The following CDH12 variants were observed in gnomAD, a reference collection of about 807,000 sequenced individuals.
CDH12 encodes the protein cadherin-12.
In CDH12, 41 loss-of-function variants were observed where a neutral mutation model predicts 74.1. The ratio of observed to expected loss-of-function variants is 0.55; its 90% CI spans 0.43 to 0.72. The LOEUF is 0.72. Among genes scored for constraint, CDH12 ranks in the 30% least tolerant of loss-of-function variants. The pLI is 0.00. For synonymous variants in CDH12, 399 were observed against 355.0 expected (o/e 1.12, Z -1.39); for missense variants, 945 against 977.2 (o/e 0.97, Z 0.44).
chr5:22,515,137 G>T (rs1736752373), intron 1 of CDH12, among the ~76,000 whole-genome samples: 1 of 151,922 alleles, frequency 6.6e-6, no homozygotes, highest in South Asian at 2.1e-4. Context: ...TTTAAGAAAA[G>T]GATATAATAC....
intron 4 of CDH12, among the ~76,000 whole-genome samples, chr5:22,199,692 G>C (rs1000565414): frequency 6.6e-6 from 1 of 151,952 alleles, no homozygotes; most frequent in African/African-American, 2.4e-5. Context: ...TAGAATTGTG[G>C]GATATTAAAC....
intron 1 of CDH12, among the ~76,000 whole-genome samples, chr5:22,851,717 A>C (rs1001681175): frequency 1.3e-5 from 2 of 152,202 alleles, no homozygotes; most frequent in African/African-American, 4.8e-5. Context: ...TGGTTTGGGC[A>C]AAGTAACCAT....
At chr5:22,259,102 G>T (rs1312090749) in intron 3 of CDH12, among the ~76,000 whole-genome samples, 2 of 152,132 alleles carry the variant, frequency 1.3e-5, no homozygotes, top group Non-Finnish European at 2.9e-5. Flanking sequence ...AAATTGCAGT[G>T]AGTACTGGAC....
At chr5:22,515,895 T>C (rs1736789285) in intron 1 of CDH12, among the ~76,000 whole-genome samples, 1 of 152,132 alleles carries the variant, frequency 6.6e-6, no homozygotes, top group South Asian at 2.1e-4. Context: ...GACAGGCTTG[T>C]AAATTTCTAT....
At chr5:22,260,689 T>C (rs554921133) in intron 3 of CDH12, among the ~76,000 whole-genome samples, 3 of 152,074 alleles carry the variant, frequency 2.0e-5, no homozygotes, top group South Asian at 2.1e-4. Context: ...TAGGTACCAA[T>C]TGTCACCTTC....
At chr5:21,986,044 C>G (rs1757502821) in intron 5 of CDH12, among the ~76,000 whole-genome samples, 1 of 152,028 alleles carries the variant, frequency 6.6e-6, no homozygotes, top group African/African-American at 2.4e-5. Flanking sequence ...GTTAGGAATT[C>G]CCTCTAACAG....
chr5:22,790,349 G>A (rs1041999016), intron 1 of CDH12, among the ~76,000 whole-genome samples: 1 of 152,132 alleles, frequency 6.6e-6, no homozygotes, highest in African/African-American at 2.4e-5. Context: ...CTTAACATTT[G>A]AGAAGAAAGC....
rs541806648 is a variant in CDH12, at chr5:21,773,538, C to T, written c.1394-8439G>A. Among the ~76,000 whole-genome samples the T allele has an allele frequency of 3.1e-4, 47 of 152,268 alleles. No homozygotes were observed. In the South Asian group the frequency reaches 3.9e-3, roughly 13 times the overall value. On this transcript the variant is annotated intron_variant, in intron 11 of 14. Coordinates refer to ENST00000382254, the MANE Select transcript of CDH12 (RefSeq NM_004061.5). Reference sequence around the variant, plus strand: ...TCTTGGACTTACACCAGCGATTTCCCTGGGGCTCTTGGGCCTTCAGCCACA... The same window carrying T: ...TCTTGGACTTACACCAGCGATTTCCTTGGGGCTCTTGGGCCTTCAGCCACA...
chr5:22,523,014 T>C (rs1193279337), intron 1 of CDH12, among the ~76,000 whole-genome samples: 1 of 152,190 alleles, frequency 6.6e-6, no homozygotes, highest in Non-Finnish European at 1.5e-5. Context: ...CCATCATTAT[T>C]CTGCTGAAAT....
At chr5:22,494,649 A>G (rs1747027662) in intron 2 of CDH12, among the ~76,000 whole-genome samples, 1 of 152,230 alleles carries the variant, frequency 6.6e-6, no homozygotes, top group Non-Finnish European at 1.5e-5. Context: ...ATTAGATGGC[A>G]TTTTGAATAA....
intron 3 of CDH12, among the ~76,000 whole-genome samples, chr5:22,344,413 A>G (rs1740023133): frequency 6.6e-6 from 1 of 152,228 alleles, no homozygotes; most frequent in Admixed American, 6.5e-5. Context: ...ATAAAATAAT[A>G]ACAATATGAA....
At chr5:22,223,248 T>C (rs1189679599) in intron 3 of CDH12, among the ~76,000 whole-genome samples, 2 of 152,044 alleles carry the variant, frequency 1.3e-5, no homozygotes, top group Non-Finnish European at 2.9e-5. Context: ...GTAGCAAGCA[T>C]GAATGACTCA....
At chr5:22,691,920 T>A (rs760046394) in intron 1 of CDH12, among the ~76,000 whole-genome samples, 3 of 152,116 alleles carry the variant, frequency 2.0e-5, no homozygotes, top group Non-Finnish European at 4.4e-5. Context: ...AAATACATGT[T>A]TTTCTTTTCC....
At chr5:22,347,938 A>G (rs922508419) in intron 3 of CDH12, among the ~76,000 whole-genome samples, 12 of 152,152 alleles carry the variant, frequency 7.9e-5, no homozygotes, top group African/African-American at 2.9e-4. Flanking sequence ...GCTATTAACT[A>G]TATTAACAAG....
intron 3 of CDH12, among the ~76,000 whole-genome samples, chr5:22,316,775 A>C (rs1738650185): frequency 6.6e-6 from 1 of 152,132 alleles, no homozygotes; most frequent in Non-Finnish European, 1.5e-5. Context: ...GTCTATAATG[A>C]GGTTATTTAA....
At chr5:22,585,483 C>T (rs922196390) in intron 1 of CDH12, among the ~76,000 whole-genome samples, 7 of 152,190 alleles carry the variant, frequency 4.6e-5, no homozygotes, top group Non-Finnish European at 8.8e-5. Flanking sequence ...GTAAACACTG[C>T]CTGTGCCTTA....
At chr5:22,521,740 G>T (rs1262119775) in intron 1 of CDH12, among the ~76,000 whole-genome samples, 2 of 152,148 alleles carry the variant, frequency 1.3e-5, no homozygotes, top group African/African-American at 4.8e-5. Flanking sequence ...AGCCATATTT[G>T]CCAGTACTTA....
At chr5:22,064,266 T>C (rs530225761) in intron 5 of CDH12, among the ~76,000 whole-genome samples, 26 of 152,302 alleles carry the variant, frequency 1.7e-4, no homozygotes, top group Non-Finnish European at 3.5e-4. Context: ...GCATGGATTG[T>C]GGTATCTCTG....
intron 1 of CDH12, among the ~76,000 whole-genome samples, chr5:22,805,171 CATT>C (rs1327639047): frequency 6.6e-6 from 1 of 151,906 alleles, no homozygotes; most frequent in Admixed American, 6.6e-5. Flanking sequence ...TGTTTTATAT[CATT>C]ATGTTGGGAG....
Sources: allele counts gnomAD v4.1 joint callset (sites outside exome capture counted in the v4.1 genomes callset), GRCh38; gene constraint gnomAD v4.1.1; transcripts MANE v1.5; gene names NCBI Gene and HGNC (gene_info 2026-07-23, HGNC 2026-07-21).